EPHB1: variants seen among roughly 807,000 people sequenced by gnomAD.
EPHB1 encodes the protein ephrin type-B receptor 1.
In EPHB1, 30 loss-of-function variants were observed where a neutral mutation model predicts 94.4. The ratio of observed to expected loss-of-function variants is 0.32; its 90% CI spans 0.24 to 0.43. EPHB1 has a LOEUF of 0.43. EPHB1 is among the 20% of genes least tolerant of loss of function. EPHB1 has a pLI of 1.00. For synonymous variants in EPHB1, 522 were observed against 489.1 expected (o/e 1.07, Z -0.89); for missense variants, 1,055 against 1,308.3 (o/e 0.81, Z 2.99).
chr3:135,001,822 T>C (rs1397756949), intron 3 of EPHB1, among the ~76,000 whole-genome samples: 2 of 152,222 alleles, frequency 1.3e-5, no homozygotes, highest in African/African-American at 4.8e-5. Flanking sequence ...TATAAAGAGT[T>C]GCATAGTATC....
intron 1 of EPHB1, among the ~76,000 whole-genome samples, chr3:134,849,889 C>G (rs998265720): frequency 6.6e-6 from 1 of 152,146 alleles, no homozygotes; most frequent in African/African-American, 2.4e-5. Context: ...GGGGATATGC[C>G]TCCTTTAACT....
chr3:135,010,704 C>T (rs919942275), intron 3 of EPHB1, among the ~76,000 whole-genome samples: 2 of 151,936 alleles, frequency 1.3e-5, no homozygotes, highest in African/African-American at 2.4e-5. Flanking sequence ...GCTGGGACTA[C>T]AGGCAAGCGC....
intron 12 of EPHB1, among the ~76,000 whole-genome samples, chr3:135,217,325 T>C (rs942163378): frequency 3.9e-5 from 6 of 151,928 alleles, no homozygotes; most frequent in Non-Finnish European, 5.9e-5. Flanking sequence ...TGCAGAGTCC[T>C]CATGGGTAGA....
chr3:135,132,023 A>C (rs1438427267), intron 4 of EPHB1, among the ~76,000 whole-genome samples: 1 of 152,214 alleles, frequency 6.6e-6, no homozygotes, highest in East Asian at 1.9e-4. Flanking sequence ...GGAATAAATA[A>C]GGTAATGTAT....
At chr3:135,191,611 A>G (rs116361318) in intron 10 of EPHB1, among the ~76,000 whole-genome samples, 25 of 152,300 alleles carry the variant, frequency 1.6e-4, no homozygotes, top group Admixed American at 6.5e-4. Flanking sequence ...TAACTTTTGA[A>G]AGCATGTTAA....
chr3:134,844,140 G>A (rs1026824996), intron 1 of EPHB1, among the ~76,000 whole-genome samples: 1 of 152,182 alleles, frequency 6.6e-6, no homozygotes, highest in Admixed American at 6.5e-5. Flanking sequence ...TTTTGTGTTG[G>A]TTCAGATTTT....
In EPHB1 at chr3:134,951,123, G is replaced by A. The variant is rs11929692; in HGVS notation, c.124-248G>A. On this transcript the variant is annotated intron_variant, in intron 2 of 15. Transcript: ENST00000398015. The surrounding 1 kb of genome is among the most constrained non-coding windows in gnomAD (Gnocchi z 4.5). ...ACAGAATGAGCATTATGGGTTAGGC[G>A]AGGGACAGCTTTCTTGAATGAAGTG... Among the ~76,000 whole-genome samples, 75,601 of 152,002 alleles carry A rather than the reference G, an allele frequency of 0.5. 19,694 individuals carry two copies. The highest frequency in any genetic ancestry group is 0.64 in the African/African-American group (26,375 of 41,444).
rs566777099 is a variant in EPHB1, at chr3:134,960,589, C to T, written c.805+8537C>T. On this transcript the variant is annotated intron_variant, in intron 3 of 15. Coordinates refer to ENST00000398015, the MANE Select transcript of EPHB1 (RefSeq NM_004441.5). ...TCATCTTCCTTTGTACCCACCTAGC[C>T]TGCTGCAGGATGAGTCTGTGAAGCT... Among the ~76,000 whole-genome samples, 5 of 152,276 alleles carry T rather than the reference C, an allele frequency of 3.3e-5. No individual in the cohort carries two copies. The South Asian group carries it at 6.2e-4, about 19-fold the overall frequency.
intron 4 of EPHB1, among the ~76,000 whole-genome samples, chr3:135,132,408 T>A (rs1400290174): frequency 6.6e-6 from 1 of 152,160 alleles, no homozygotes. Context: ...GGCTGGAGGA[T>A]GTGGCTTGAT....
intron 3 of EPHB1, among the ~76,000 whole-genome samples, chr3:134,989,129 A>G (rs904124581): frequency 3.3e-5 from 5 of 152,216 alleles, no homozygotes; most frequent in Non-Finnish European, 5.9e-5. Flanking sequence ...CTTCCCGCTT[A>G]CTGTGTCTCT....
At chr3:135,030,295 G>A (rs2107759641) in intron 3 of EPHB1, among the ~76,000 whole-genome samples, 1 of 152,262 alleles carries the variant, frequency 6.6e-6, no homozygotes, top group East Asian at 1.9e-4. Flanking sequence ...AGGAGGAGAG[G>A]CGCTCTGCTT....
intron 11 of EPHB1, among the ~76,000 whole-genome samples, chr3:135,199,143 A>G (rs938638625): frequency 6.6e-6 from 1 of 152,184 alleles, no homozygotes; most frequent in Admixed American, 6.5e-5. Flanking sequence ...GCTCTCCCCA[A>G]ATGCCATCTT....
In EPHB1 at chr3:135,027,311, T is replaced by C. The variant is rs1414851576; in HGVS notation, c.805+75259T>C. Among the ~76,000 whole-genome samples the C allele has an allele frequency of 3.3e-5, 5 of 150,010 alleles. No individual in the cohort carries two copies. In the East Asian group the frequency reaches 9.9e-4, roughly 30 times the overall value. On this transcript the variant is annotated intron_variant, in intron 3 of 15. Coordinates refer to ENST00000398015, the MANE Select transcript of EPHB1 (RefSeq NM_004441.5). The stretch of plus-strand genomic sequence containing the variant: ...TTGTGCCAGTTTTCAAAGGGAATGC[T>C]TCCAGTTTTTGCCCATTCAGTATGA...
At chr3:135,005,559 C>T (rs548507791) in intron 3 of EPHB1, among the ~76,000 whole-genome samples, 1 of 152,212 alleles carries the variant, frequency 6.6e-6, no homozygotes, top group Admixed American at 6.5e-5. Context: ...CCCCCAGCCT[C>T]GCTGCTGCCT....
intron 1 of EPHB1, among the ~76,000 whole-genome samples, chr3:134,908,791 C>A (rs757299970): frequency 6.6e-6 from 1 of 152,076 alleles, no homozygotes; most frequent in Non-Finnish European, 1.5e-5. Flanking sequence ...TGAGGAAGGG[C>A]ACCTACAGCA....
At chr3:134,969,230 G>A (rs73214150) in intron 3 of EPHB1, among the ~76,000 whole-genome samples, 1 of 152,102 alleles carries the variant, frequency 6.6e-6, no homozygotes, top group South Asian at 2.1e-4. Flanking sequence ...GTATCTCATG[G>A]TGATATTAAT....
rs957386124 is a variant in EPHB1 at position 134,797,121 on chromosome 3, C to T, written c.58+1432C>T. Among the ~76,000 whole-genome samples, 27 of 152,200 alleles carry T rather than the reference C, an allele frequency of 1.8e-4. 1 individual carries two copies. The highest frequency in any genetic ancestry group is 1.7e-3 in the Admixed American group (26 of 15,282). On this transcript the variant is annotated intron_variant, in intron 1 of 15. Transcript: ENST00000398015. ...GGTGCGGCGATTAATGCCTAGAAAG[C>T]TCTCGCTTGCTTTTCCGAAGGTGGC... is the stretch of plus-strand genomic sequence containing the variant.
intron 1 of EPHB1, among the ~76,000 whole-genome samples, chr3:134,860,818 A>AG (rs397828384): frequency 6.6e-6 from 1 of 151,268 alleles, no homozygotes; most frequent in African/African-American, 2.4e-5. Context: ...AAAAAAAAAA[A>AG]GATTTCTTGA....
chr3:134,841,818 C>T (rs1274223884), intron 1 of EPHB1, among the ~76,000 whole-genome samples: 1 of 152,190 alleles, frequency 6.6e-6, no homozygotes, highest in East Asian at 1.9e-4. Context: ...TAGTGTCTGG[C>T]ATAGTCTGGA....
Sources: gnomAD v4.1 joint callset for allele counts (sites outside exome capture counted in the v4.1 genomes callset) on GRCh38, gnomAD v4.1.1 for gene constraint, Gnocchi (gnomAD v3.1) non-coding constraint, MANE v1.5 for transcripts, NCBI Gene and HGNC (gene_info 2026-07-23, HGNC 2026-07-21) for gene names.